The following PAK1IP1 variants were observed in gnomAD, a reference collection of about 807,000 sequenced individuals.
PAK1IP1 encodes the protein PAK1 interacting protein 1.
In PAK1IP1, 24 loss-of-function variants were observed where a neutral mutation model predicts 42.0. That is an observed-to-expected ratio of 0.57 (90% CI 0.41 to 0.80). The LOEUF (loss-of-function observed/expected upper bound fraction) is 0.80. PAK1IP1 is among the 30% of genes least tolerant of loss of function. The pLI is 0.00. For missense variants in PAK1IP1, 411 were observed against 467.9 expected (o/e 0.88, Z 1.12); for synonymous variants, 154 against 156.7 (o/e 0.98, Z 0.13).
intron 7 of PAK1IP1, among the ~76,000 whole-genome samples, chr6:10,705,758 CAG>C (rs1487941310): frequency 6.6e-5 from 10 of 152,292 alleles, no homozygotes; most frequent in African/African-American, 1.2e-4. Context: ...ATCTAATATA[CAG>C]AGTTAGATTT....
At chr6:10,702,347 G>A in intron 2 of PAK1IP1, 22 bp from the exon 3 acceptor site, 1 of 1,596,854 alleles carries the variant, frequency 6.3e-7, no homozygotes, top group African/African-American at 1.3e-5. Flanking sequence ...TATTATTTTT[G>A]CCTATTTTGG....
At position 10,697,462 on chromosome 6, in the gene PAK1IP1, C is replaced by A. The variant is rs771299681; in HGVS notation, c.223C>A (p.His75Asn). ...HIYDMKKKIE[H>N]GALVHHSGTI... Reference sequence around the variant, plus strand: ...TTATGACATGAAAAAGAAGATTGAGCATGGGGCTCTAGTGCATCACAGTGG... The same window carrying A: ...TTATGACATGAAAAAGAAGATTGAGAATGGGGCTCTAGTGCATCACAGTGG... Residue 75 changes from histidine to asparagine, a missense_variant, in exon 2 of 10, where the codon CAT becomes AAT. Coordinates refer to ENST00000379568, the MANE Select transcript of PAK1IP1 (RefSeq NM_017906.3). The A allele has an allele frequency of 6.2e-7, 1 of 1,613,794 alleles. No individual in the cohort carries two copies. Among genetic ancestry groups the A allele is most frequent in the African/African-American group, 1.3e-5 (1 of 75,044 alleles).
intron 1 of PAK1IP1, 103 bp downstream of exon 1, chr6:10,695,172 G>C: frequency 1.4e-6 from 1 of 698,556 alleles, no homozygotes; most frequent in Non-Finnish European, 2.5e-6. Flanking sequence ...CTGTTCACTG[G>C]ATGATTTGAT....
intron 4 of PAK1IP1, 64 bp downstream of exon 4, chr6:10,702,703 C>T (rs2127480315): frequency 8.9e-7 from 1 of 1,124,814 alleles, no homozygotes. Flanking sequence ...TCTCCACCAT[C>T]TAAAAATACT....
intron 7 of PAK1IP1, among the ~76,000 whole-genome samples, chr6:10,705,861 G>C (rs1420458027): frequency 6.6e-6 from 1 of 152,118 alleles, no homozygotes; most frequent in Non-Finnish European, 1.5e-5. Context: ...TCCATACTTA[G>C]AGTACTGCAG....
chr6:10,704,594 C>T lies in PAK1IP1; in HGVS notation c.584C>T (p.Ala195Val), dbSNP rs929059408. 1 of 1,604,356 alleles carries T rather than the reference C, an allele frequency of 6.2e-7. No individual in the cohort carries two copies. Among genetic ancestry groups the T allele is most frequent in the African/African-American group, 1.3e-5 (1 of 74,786 alleles). ...ATAGACATCTATCAGCTTGACACTGCATCCATTAGTGGCACCATCACAAAT... is the reference window on the plus strand; with the variant it reads ...ATAGACATCTATCAGCTTGACACTGTATCCATTAGTGGCACCATCACAAAT... ...NKIDIYQLDT[A>V]SISGTITNEK... Residue 195 changes from alanine to valine, a missense_variant, in exon 6 of 10, where the codon GCA becomes GTA. Physicochemically the swap from Ala to Val is moderately conservative, Grantham distance 64 (BLOSUM62 0). Coordinates refer to ENST00000379568, the MANE Select transcript of PAK1IP1 (RefSeq NM_017906.3).
upstream of PAK1IP1, among the ~76,000 whole-genome samples, chr6:10,692,027 T>C (rs1452302624): frequency 6.6e-6 from 1 of 152,186 alleles, no homozygotes; most frequent in Non-Finnish European, 1.5e-5. Context: ...AAAATTTATT[T>C]TAAAAAGTGT....
intron 2 of PAK1IP1, among the ~76,000 whole-genome samples, chr6:10,698,777 T>C (rs575480757): frequency 6.6e-6 from 1 of 152,224 alleles, no homozygotes; most frequent in Non-Finnish European, 1.5e-5. Flanking sequence ...TCTGAGTTTA[T>C]TCAGTAATAA....
At chr6:10,694,905 T>G (rs1471667859), upstream of PAK1IP1, 35 of 282,466 alleles carry the variant, frequency 1.2e-4, no homozygotes, top group Admixed American at 4.1e-4. Flanking sequence ...AGTCAGGTGT[T>G]TTTTTTTTTT....
chr6:10,697,283 T>TG, intron 1 of PAK1IP1, 41 bp from the exon 2 acceptor site: 1 of 1,570,650 alleles, frequency 6.4e-7, no homozygotes, highest in Non-Finnish European at 8.7e-7. Context: ...GGTAGAACTG[T>TG]GGTGTGACTG....
At chr6:10,692,508 T>C (rs1021177406), upstream of PAK1IP1, among the ~76,000 whole-genome samples, 5 of 152,142 alleles carry the variant, frequency 3.3e-5, no homozygotes, top group Admixed American at 2.0e-4. Context: ...TGGCGGGATC[T>C]CGGCTCACTG....
Position 10,709,515 on chromosome 6 carries a change from T to A in PAK1IP1, c.*63T>A. 3.7e-6 allele frequency: 2 copies of A among 546,140 alleles called. No individual in the cohort carries two copies. Among genetic ancestry groups the A allele is most frequent in the East Asian group, 5.8e-5 (1 of 17,170 alleles). The allele number at this position is 546,140 out of a possible 1,614,324, so 33.8% of individuals were successfully genotyped here. ...ATCATTCTACTCAAATGTACCTTAA[T>A]TTTTTTTTTTTCCCTGAGTAAAAGC... On this transcript the variant is annotated 3_prime_UTR_variant, in exon 10 of 10. Coordinates refer to ENST00000379568, the MANE Select transcript of PAK1IP1 (RefSeq NM_017906.3).
Position 10,709,600 on chromosome 6 carries a change from T to C in PAK1IP1, c.*148T>C. ...TAAAAAACCACTTTTAGATGGTTTTTTTTAAAAAAAAAAAAAAAACTGGTA... is the reference window on the plus strand; with the variant it reads ...TAAAAAACCACTTTTAGATGGTTTTCTTTAAAAAAAAAAAAAAAACTGGTA... On this transcript the variant is annotated 3_prime_UTR_variant, in exon 10 of 10. Transcript: ENST00000379568. 2.6e-6 allele frequency: 1 copy of C among 377,382 alleles called. No individual in the cohort carries two copies. Among genetic ancestry groups the C allele is most frequent in the Non-Finnish European group, 4.4e-6 (1 of 228,390 alleles). 23.4% of individuals were successfully genotyped at this position (377,382 alleles called of 1,614,324 possible).
At position 10,698,928 on chromosome 6, in the gene PAK1IP1, C is replaced by T. The variant is rs192264648; in HGVS notation, c.247+1442C>T. Among the ~76,000 whole-genome samples, 1,162 of 152,098 alleles carry T rather than the reference C, an allele frequency of 7.6e-3. 10 individuals are homozygous for T. The highest frequency in any genetic ancestry group is 0.012 in the Non-Finnish European group (797 of 67,962). Reference sequence around the variant, plus strand: ...AAAATGTGTTGTCAAAGGCCAGGCGCGGTGGCTCGCGCCTGTAATCCCAGC... The same window carrying T: ...AAAATGTGTTGTCAAAGGCCAGGCGTGGTGGCTCGCGCCTGTAATCCCAGC... On this transcript the variant is annotated intron_variant, in intron 2 of 9. Transcript: ENST00000379568.
chr6:10,709,505 T>C lies in PAK1IP1; in HGVS notation c.*53T>C. On this transcript the variant is annotated 3_prime_UTR_variant, in exon 10 of 10. Transcript: ENST00000379568. ...TTTAGATGAAATCATTCTACTCAAA[T>C]GTACCTTAATTTTTTTTTTTTCCCT... The C allele has an allele frequency of 8.2e-7, 1 of 1,218,776 alleles. No homozygotes were observed. Among genetic ancestry groups the C allele is most frequent in the Non-Finnish European group, 1.1e-6 (1 of 912,284 alleles). The allele number at this position is 1,218,776 out of a possible 1,614,324, so 75.5% of individuals were successfully genotyped here. A position where few individuals can be genotyped will look rare whatever the true frequency, so the allele number is the denominator to read the frequency against.
In PAK1IP1 at chr6:10,704,554, A is replaced by ATC. The variant is rs750733786; in HGVS notation, c.545_546dup (p.Ile183SerfsTer6). On this transcript the variant is annotated frameshift_variant, in exon 6 of 10. Transcript: ENST00000379568. LOFTEE classifies it high-confidence loss of function. ...CCCAAGAGGAGAGCAGTATGTAGTT[A>ATC]TCATACAGAATAAAATAGACATCTA... 1.9e-6 allele frequency: 3 copies of ATC among 1,593,130 alleles called. No individual in the cohort carries two copies. The highest frequency in any genetic ancestry group is 8.6e-7 in the Non-Finnish European group (1 of 1,162,322).
chr6:10,692,401 TG>T (rs1769402203), upstream of PAK1IP1, among the ~76,000 whole-genome samples: 1 of 152,228 alleles, frequency 6.6e-6, no homozygotes, highest in Non-Finnish European at 1.5e-5. Flanking sequence ...TAAAATAATT[TG>T]ATTTTTTGTA....
At chr6:10,703,285 A>G (rs575418060) in intron 4 of PAK1IP1, 120 bp from the exon 5 acceptor site, 77 of 667,972 alleles carry the variant, frequency 1.2e-4, no homozygotes, top group African/African-American at 1.1e-3. Context: ...GGAAGATAGC[A>G]GGTCTTCTAA....
intron 2 of PAK1IP1, 93 bp from the exon 3 acceptor site, chr6:10,702,276 A>AGT: frequency 1.1e-6 from 1 of 907,914 alleles, no homozygotes; most frequent in South Asian, 1.6e-5. Context: ...AAAGGTATTG[A>AGT]GTGTTTTACT....
Sources: allele counts gnomAD v4.1 joint callset (sites outside exome capture counted in the v4.1 genomes callset), GRCh38; gene constraint gnomAD v4.1.1; transcripts MANE v1.5; gene names NCBI Gene and HGNC (gene_info 2026-07-23, HGNC 2026-07-21).